The following ENAH variants were observed in gnomAD, a reference collection of about 807,000 sequenced individuals.
The protein encoded by ENAH is ENAH actin regulator, also known as protein enabled homolog.
ENAH carries 23 observed loss-of-function variants against 78.7 expected under a neutral mutation model. The ratio of observed to expected loss-of-function variants is 0.29; its 90% CI spans 0.21 to 0.41. The LOEUF is 0.41. ENAH is among the 10% of genes least tolerant of loss of function. The pLI, the probability that ENAH is intolerant of heterozygous loss-of-function variation, is 1.00. For synonymous variants in ENAH, 226 were observed against 241.0 expected, an observed-to-expected ratio of 0.94 and a Z score of 0.58; for missense variants, 544 against 691.0, an observed-to-expected ratio of 0.79 and a Z score of 2.39.
intron 1 of ENAH, among the ~76,000 whole-genome samples, chr1:225,613,295 A>G (rs1328148390): frequency 6.6e-6 from 1 of 152,022 alleles, no homozygotes; most frequent in East Asian, 1.9e-4. Flanking sequence ...CTCACTACAC[A>G]TTTTATCTTT....
chr1:225,550,544 G>A (rs1488365294), intron 3 of ENAH, among the ~76,000 whole-genome samples: 1 of 152,140 alleles, frequency 6.6e-6, no homozygotes, highest in East Asian at 1.9e-4. Context: ...AGAAACTACT[G>A]AGATTTTTTT....
intron 4 of ENAH, among the ~76,000 whole-genome samples, chr1:225,520,092 G>A (rs1486637643): frequency 1.3e-5 from 2 of 151,986 alleles, no homozygotes; most frequent in South Asian, 2.1e-4. Flanking sequence ...TCAGGAGTTC[G>A]AGACTGGCCT....
intron 1 of ENAH, among the ~76,000 whole-genome samples, chr1:225,592,287 A>C (rs1329199239): frequency 6.6e-6 from 1 of 152,206 alleles, no homozygotes; most frequent in Non-Finnish European, 1.5e-5. Context: ...CCATCCTCTG[A>C]CCAATACAAG....
At chr1:225,589,527 T>C (rs2096865203) in intron 1 of ENAH, among the ~76,000 whole-genome samples, 1 of 152,210 alleles carries the variant, frequency 6.6e-6, no homozygotes, top group Admixed American at 6.5e-5. Context: ...TAAAATGGTA[T>C]AGTATTTACA....
chr1:225,554,907 T>C lies in ENAH; in HGVS notation c.348A>G (p.Thr116=), dbSNP rs1311885109. 2 of 1,530,562 alleles carry C rather than the reference T, an allele frequency of 1.3e-6. No homozygotes were observed. Among genetic ancestry groups the C allele is most frequent in the South Asian group, 1.2e-5 (1 of 80,394 alleles). The allele number at this position is 1,530,562 out of a possible 1,614,324, so 94.8% of individuals were successfully genotyped here. Residue 116 remains threonine (T), a splice_region_variant and synonymous_variant, in exon 3 of 14, where the codon ACA becomes ACG. Transcript: ENST00000366843. ...ACAAATAAACCATGGGCACCTTACC[T>C]GTTTCCTGTGAATTTAACACTTCTA... is the stretch of plus-strand genomic sequence containing the variant. ...HALEVLNSQE[T]GPTLPRQNSQ...
intron 1 of ENAH, among the ~76,000 whole-genome samples, chr1:225,633,782 T>C (rs939535242): frequency 6.6e-6 from 1 of 152,176 alleles, no homozygotes; most frequent in African/African-American, 2.4e-5. Flanking sequence ...ATATAATTGG[T>C]TAGACCACTT....
intron 2 of ENAH, among the ~76,000 whole-genome samples, chr1:225,557,098 G>A (rs1264170417): frequency 1.3e-5 from 2 of 152,096 alleles, no homozygotes; most frequent in Non-Finnish European, 2.9e-5. Flanking sequence ...CTTCAAAATT[G>A]CTTTGGCTCT....
At chr1:225,531,832 CAG>C (rs1010204943) in intron 3 of ENAH, among the ~76,000 whole-genome samples, 6 of 152,046 alleles carry the variant, frequency 3.9e-5, no homozygotes, top group Non-Finnish European at 7.4e-5. Context: ...TGTGGAAAAA[CAG>C]AATTAATTTG....
At chr1:225,534,382 T>C (rs778637680) in intron 3 of ENAH, among the ~76,000 whole-genome samples, 2 of 152,156 alleles carry the variant, frequency 1.3e-5, no homozygotes, top group African/African-American at 4.8e-5. Flanking sequence ...TTTAAGTGAC[T>C]AACAAATACA....
intron 1 of ENAH, among the ~76,000 whole-genome samples, chr1:225,571,225 T>C (rs1558835115): frequency 2.0e-5 from 3 of 151,502 alleles, no homozygotes; most frequent in East Asian, 3.9e-4. Flanking sequence ...ATACAAAAAT[T>C]AGCCAGGCAT....
At chr1:225,531,417 C>T (rs939972645) in intron 3 of ENAH, among the ~76,000 whole-genome samples, 1 of 152,056 alleles carries the variant, frequency 6.6e-6, no homozygotes, top group Non-Finnish European at 1.5e-5. Context: ...AATTATGGGA[C>T]ATCTTAATGT....
At chr1:225,587,573 C>T (rs1269702289) in intron 1 of ENAH, among the ~76,000 whole-genome samples, 1 of 152,118 alleles carries the variant, frequency 6.6e-6, no homozygotes, top group Admixed American at 6.5e-5. Flanking sequence ...GATGTCAAGT[C>T]TCTCCTAAAT....
intron 3 of ENAH, among the ~76,000 whole-genome samples, chr1:225,551,138 G>T (rs2096638867): frequency 6.6e-6 from 1 of 152,098 alleles, no homozygotes; most frequent in Non-Finnish European, 1.5e-5. Flanking sequence ...ATACACTGTA[G>T]CATTTGGTAT....
intron 3 of ENAH, among the ~76,000 whole-genome samples, chr1:225,531,715 T>G (rs547520929): frequency 6.6e-6 from 1 of 152,244 alleles, no homozygotes; most frequent in South Asian, 2.1e-4. Context: ...ACTAAATTCT[T>G]GTAATCTATG....
chr1:225,533,806 A>G (rs1212332979), intron 3 of ENAH, among the ~76,000 whole-genome samples: 1 of 152,124 alleles, frequency 6.6e-6, no homozygotes, highest in Non-Finnish European at 1.5e-5. Context: ...TTACTGTCAC[A>G]TTTTAATTTT....
At chr1:225,516,829 G>A (rs753425926) in intron 6 of ENAH, among the ~76,000 whole-genome samples, 144 of 150,954 alleles carry the variant, frequency 9.5e-4, no homozygotes, top group Middle Eastern at 6.9e-3. Flanking sequence ...AGCTGAGATC[G>A]TGCCACTCTA....
At position 225,492,468 on chromosome 1, in the gene ENAH, A is replaced by C. The variant is rs979742556; in HGVS notation, c.*5307T>G. Reference sequence around the variant, plus strand: ...CTCTCAGCCACCAACTGGGGCCCCTAATTTTCTCCCTCTGCCTAGAATTCC... The same window carrying C: ...CTCTCAGCCACCAACTGGGGCCCCTCATTTTCTCCCTCTGCCTAGAATTCC... On this transcript the variant is annotated 3_prime_UTR_variant, in exon 14 of 14. Transcript: ENST00000366843. 3.3e-5 allele frequency: 5 copies of C among 152,164 alleles called. No homozygotes were observed. Among genetic ancestry groups the C allele is most frequent in the African/African-American group, 1.2e-4 (5 of 41,410 alleles). 9.4% of individuals were successfully genotyped at this position (152,164 alleles called of 1,614,324 possible). A position where few individuals can be genotyped will look rare whatever the true frequency, so the allele number is the denominator to read the frequency against.
chr1:225,652,345 A>T (rs1663175056), intron 1 of ENAH: 1 of 985,274 alleles, frequency 1.0e-6, no homozygotes, highest in Admixed American at 6.1e-5. Flanking sequence ...GCACGCTTCG[A>T]TTCTCGAACC....
chr1:225,538,486 A>G (rs970368885), intron 3 of ENAH, among the ~76,000 whole-genome samples: 11 of 152,084 alleles, frequency 7.2e-5, no homozygotes, highest in African/African-American at 2.7e-4. Flanking sequence ...AAACTTTTCT[A>G]TATCTCAGGA....
Sources: gnomAD v4.1 joint callset for allele counts (sites outside exome capture counted in the v4.1 genomes callset) on GRCh38, gnomAD v4.1.1 for gene constraint, MANE v1.5 for transcripts, NCBI Gene and HGNC (gene_info 2026-07-23, HGNC 2026-07-21) for gene names.